YME1L1: variants seen among roughly 807,000 people sequenced by gnomAD.
The protein encoded by YME1L1 is ATP-dependent zinc metalloprotease YME1L1.
In YME1L1, 39 loss-of-function variants were observed where a neutral mutation model predicts 90.4. The ratio of observed to expected loss-of-function variants is 0.43; its 90% CI spans 0.33 to 0.56. The LOEUF is 0.56. Among genes scored for constraint, YME1L1 ranks in the 20% least tolerant of loss-of-function variants. The pLI is 0.03. For synonymous variants in YME1L1, 284 were observed against 287.3 expected (o/e 0.99, Z 0.12); for missense variants, 617 against 868.4 (o/e 0.71, Z 3.64).
At chr10:27,149,365 A>G (rs1240416534) in intron 1 of YME1L1, among the ~76,000 whole-genome samples, 1 of 152,176 alleles carries the variant, frequency 6.6e-6, no homozygotes, top group Admixed American at 6.5e-5. Flanking sequence ...CGAAACATTT[A>G]AAAAATAGTA....
intron 5 of YME1L1, 72 bp from the exon 6 acceptor site, chr10:27,135,053 C>CA: frequency 7.1e-7 from 1 of 1,413,124 alleles, no homozygotes; most frequent in Non-Finnish European, 9.5e-7. Context: ...TGTGACCACT[C>CA]AAAAAAATTC....
chr10:27,154,164 A>AT lies in YME1L1; in HGVS notation c.33+13_33+14insA. 6.3e-7 allele frequency: 1 copy of AT among 1,586,440 alleles called. No homozygotes were observed. On this transcript the variant is annotated intron_variant, in intron 1 of 18. Coordinates refer to ENST00000376016, the MANE Select transcript of YME1L1 (RefSeq NM_014263.4). ...GGGCGGGAGGAAAAAAAATGGGCTG[A>AT]ATGCCTGGCTTACCTGGGGTTGCAC... is the stretch of plus-strand genomic sequence containing the variant.
chr10:27,137,779 T>C (rs1312982412), intron 4 of YME1L1, among the ~76,000 whole-genome samples: 2 of 152,172 alleles, frequency 1.3e-5, no homozygotes, highest in African/African-American at 4.8e-5. Context: ...TGCATGTCCT[T>C]TGCACATTTT....
At chr10:27,135,198 C>T (rs2057015250) in intron 5 of YME1L1, among the ~76,000 whole-genome samples, 1 of 152,112 alleles carries the variant, frequency 6.6e-6, no homozygotes, top group African/African-American at 2.4e-5. Flanking sequence ...AAGAAAGTGG[C>T]ATTATTCTCT....
In YME1L1 at chr10:27,119,307, G is replaced by A. The variant is rs745986639; in HGVS notation, c.1554C>T (p.Asp518=). The change falls in exon 14 of 19, where the codon GAC becomes GAT. Residue 518 remains aspartate (D), a synonymous_variant. Transcript: ENST00000376016. ...AAGGAAACCTACCCATTAGAATTTT[G>A]TCTTTGGAAAACTCCAGCTCCTTCA... ...VTMKELEFSK[D]KILMGPERRS... 1.3e-6 allele frequency: 2 copies of A among 1,599,314 alleles called. No homozygotes were observed. The highest frequency in any genetic ancestry group is 1.7e-6 in the Non-Finnish European group (2 of 1,176,178).
intron 2 of YME1L1, chr10:27,147,670 T>C (rs2057160359): frequency 2.6e-6 from 4 of 1,549,166 alleles, no homozygotes; most frequent in Non-Finnish European, 3.5e-6. Context: ...GAACATACAC[T>C]GTAGGAAGAG....
chr10:27,139,277 C>T (rs1386981082), intron 4 of YME1L1, among the ~76,000 whole-genome samples: 1 of 152,062 alleles, frequency 6.6e-6, no homozygotes, highest in Non-Finnish European at 1.5e-5. Context: ...TCACTGTAAC[C>T]TTGAACTTTG....
chr10:27,120,781 C>G (rs1015929073), intron 12 of YME1L1, among the ~76,000 whole-genome samples: 1 of 152,106 alleles, frequency 6.6e-6, no homozygotes, highest in African/African-American at 2.4e-5. Flanking sequence ...GGTAGCCTAC[C>G]CCTCAGAAAC....
intron 15 of YME1L1, among the ~76,000 whole-genome samples, chr10:27,117,354 G>A (rs1179133626): frequency 6.6e-6 from 1 of 152,172 alleles, no homozygotes. Context: ...GATCACCTGA[G>A]GTCAGGAGTT....
chr10:27,145,393 A>C (rs1180293690), intron 3 of YME1L1, 35 bp downstream of exon 3: 1 of 1,526,728 alleles, frequency 6.5e-7, no homozygotes, highest in Non-Finnish European at 8.9e-7. Flanking sequence ...ATAGTGCTAA[A>C]ATATTTAATT....
chr10:27,137,679 T>C (rs2057043416), intron 4 of YME1L1, among the ~76,000 whole-genome samples: 1 of 152,196 alleles, frequency 6.6e-6, no homozygotes, highest in African/African-American at 2.4e-5. Flanking sequence ...ACTTTGCATT[T>C]CCCAGATTAC....
chr10:27,151,247 C>G (rs1282840259), intron 1 of YME1L1, among the ~76,000 whole-genome samples: 1 of 152,174 alleles, frequency 6.6e-6, no homozygotes, highest in Non-Finnish European at 1.5e-5. Context: ...TGTGCGAGAT[C>G]CAACAACCCT....
At chr10:27,139,743 T>C (rs2135886720) in intron 4 of YME1L1, among the ~76,000 whole-genome samples, 1 of 152,308 alleles carries the variant, frequency 6.6e-6, no homozygotes, top group African/African-American at 2.4e-5. Flanking sequence ...ATATTTTTAT[T>C]TTTGACATAA....
chr10:27,143,958 T>C (rs1411453962), intron 3 of YME1L1, among the ~76,000 whole-genome samples: 1 of 152,154 alleles, frequency 6.6e-6, no homozygotes, highest in East Asian at 1.9e-4. Context: ...CATCCTATTT[T>C]ATATCCAAGA....
rs1564463201 is a variant in YME1L1, at chr10:27,134,781, CT to C, written c.691+49del. On this transcript the variant is annotated intron_variant, in intron 6 of 18. Transcript: ENST00000376016. ...TTAAAACTTAAATGTAGGACTATGACTTCCTTTCAGTTACTCTTCTCAAACA... is the reference window on the plus strand; with the variant it reads ...TTAAAACTTAAATGTAGGACTATGACTCCTTTCAGTTACTCTTCTCAAACA... The C allele has an allele frequency of 3.1e-6, 5 of 1,592,346 alleles. No individual in the cohort carries two copies. In the South Asian group the frequency reaches 5.6e-5, roughly 18 times the overall value.
At chr10:27,134,524 A>G (rs192597663) in intron 6 of YME1L1, among the ~76,000 whole-genome samples, 1 of 152,362 alleles carries the variant, frequency 6.6e-6, no homozygotes, top group East Asian at 1.9e-4. Flanking sequence ...ACAATGAGCC[A>G]TGATTGCACC....
intron 1 of YME1L1, 32 bp from the exon 2 acceptor site, chr10:27,149,072 G>GT (rs763463881): frequency 6.6e-4 from 999 of 1,519,356 alleles, no homozygotes; most frequent in East Asian, 1.5e-3. Context: ...AAACTAAGTA[G>GT]TTTTTTTTTA....
At chr10:27,119,477 A>T (rs770151679) in intron 13 of YME1L1, 28 bp from the exon 14 acceptor site, 3 of 1,594,278 alleles carry the variant, frequency 1.9e-6, no homozygotes, top group Non-Finnish European at 2.6e-6. Context: ...CACAACGCTA[A>T]TAAGTCTAAA....
chr10:27,133,992 A>T (rs1335849011), intron 7 of YME1L1, 47 bp downstream of exon 7: 2 of 1,315,236 alleles, frequency 1.5e-6, no homozygotes, highest in Non-Finnish European at 2.2e-6. Context: ...GGAATCATGT[A>T]TTTAAAGGAA....
Sources: gnomAD v4.1 joint callset for allele counts (sites outside exome capture counted in the v4.1 genomes callset) on GRCh38, gnomAD v4.1.1 for gene constraint, MANE v1.5 for transcripts, NCBI Gene and HGNC (gene_info 2026-07-23, HGNC 2026-07-21) for gene names.